Variants in LRRC37A2 observed in about 807,000 individuals in gnomAD.
LRRC37A2 encodes leucine-rich repeat-containing protein 37A2.
Under a neutral mutation model 68.8 loss-of-function variants are expected in LRRC37A2, and 9 were observed. The ratio of observed to expected loss-of-function variants is 0.13; its 90% CI spans 0.08 to 0.23. The LOEUF is 0.23. Ranked by LOEUF, LRRC37A2 falls within the 10% of genes least tolerant of loss-of-function variation. The pLI, the probability that LRRC37A2 is intolerant of heterozygous loss-of-function variation, is 1.00. For synonymous variants in LRRC37A2, 63 were observed against 367.6 expected (o/e 0.17, Z 9.48); for missense variants, 168 against 950.4 (o/e 0.18, Z 10.82).
chr17:47,040,532 T>A, the LRRC37A2 span, among the ~76,000 whole-genome samples: 1 of 144,376 alleles, frequency 6.9e-6, no homozygotes. Context: ...TTTCTGAACT[T>A]CTTCTGTAAA....
chr17:46,931,299 C>T, the LRRC37A2 span: 5 of 758,808 alleles, frequency 6.6e-6, no homozygotes, highest in African/African-American at 8.5e-5. Flanking sequence ...TTCTGAAAAC[C>T]AACGTACATG....
At chr17:46,961,193 G>T in the LRRC37A2 span, among the ~76,000 whole-genome samples, 1 of 152,008 alleles carries the variant, frequency 6.6e-6, no homozygotes, top group Non-Finnish European at 1.5e-5. Context: ...AAAAATGGAA[G>T]GGTAACCACT....
the LRRC37A2 span, among the ~76,000 whole-genome samples, chr17:47,003,221 T>C: frequency 8.3e-6 from 1 of 120,674 alleles, no homozygotes; most frequent in South Asian, 2.7e-4. Flanking sequence ...GCCACTGCAC[T>C]CCAGCCTGGA....
the LRRC37A2 span, among the ~76,000 whole-genome samples, chr17:46,750,955 C>T: frequency 2.6e-5 from 4 of 152,062 alleles, no homozygotes; most frequent in South Asian, 8.3e-4. Flanking sequence ...GAACGTTCTT[C>T]ATTTAACTTT....
chr17:46,635,799 G>GTGTGTGTGTT, the LRRC37A2 span, among the ~76,000 whole-genome samples: 1 of 140,422 alleles, frequency 7.1e-6, no homozygotes, highest in African/African-American at 2.7e-5. Context: ...GTGTGTGTGT[G>GTGTGTGTGTT]TGTGTGTGTG....
the LRRC37A2 span, among the ~76,000 whole-genome samples, chr17:46,748,843 G>A: frequency 3.9e-5 from 6 of 152,200 alleles, no homozygotes; most frequent in Non-Finnish European, 7.3e-5. Flanking sequence ...ATTAACTCCA[G>A]TAAAACAAAA....
the LRRC37A2 span, chr17:46,942,062 C>A: frequency 1.9e-6 from 1 of 514,432 alleles, no homozygotes; most frequent in Non-Finnish European, 2.5e-6. Flanking sequence ...GAGGAAATAA[C>A]TGAAACAGAT....
chr17:46,876,473 A>C, the LRRC37A2 span: 1 of 1,613,562 alleles, frequency 6.2e-7, no homozygotes, highest in Non-Finnish European at 8.5e-7. Context: ...CCTGGCCCCA[A>C]GGTCTGGGGA....
the LRRC37A2 span, chr17:46,818,717 A>G: frequency 1.0e-6 from 1 of 1,001,794 alleles, no homozygotes; most frequent in African/African-American, 1.6e-5. Flanking sequence ...TCAGAAGCGC[A>G]CCTCCACCCG....
chr17:46,541,745 T>C (rs2055362240), intron 8 of LRRC37A2, among the ~76,000 whole-genome samples: 1 of 150,840 alleles, frequency 6.6e-6, no homozygotes, highest in Non-Finnish European at 1.5e-5. Flanking sequence ...AAATACAGTA[T>C]AATTATGTAC....
the LRRC37A2 span, among the ~76,000 whole-genome samples, chr17:46,714,484 TTCC>T: frequency 1.3e-5 from 2 of 152,176 alleles, no homozygotes; most frequent in Admixed American, 6.5e-5. Flanking sequence ...CTCATACATC[TTCC>T]TTTCTCCAAG....
the LRRC37A2 span, among the ~76,000 whole-genome samples, chr17:46,494,073 G>C: frequency 6.7e-6 from 1 of 148,164 alleles, no homozygotes; most frequent in Non-Finnish European, 1.5e-5. Flanking sequence ...TTGAACTCCT[G>C]AGCTCAAGCA....
the LRRC37A2 span, among the ~76,000 whole-genome samples, chr17:46,690,611 C>CAAA: frequency 0.016 from 1,446 of 91,412 alleles, 15 homozygotes; most frequent in Admixed American, 0.019. Context: ...GACTCCGTCT[C>CAAA]AAAAAAAAAA....
the LRRC37A2 span, among the ~76,000 whole-genome samples, chr17:46,811,321 G>A: frequency 1.3e-5 from 2 of 152,196 alleles, no homozygotes; most frequent in African/African-American, 4.8e-5. Flanking sequence ...AGCAGGTATG[G>A]AAACAGAATG....
At chr17:46,874,909 C>A in the LRRC37A2 span, 1 of 842,972 alleles carries the variant, frequency 1.2e-6, no homozygotes, top group Non-Finnish European at 2.0e-6. Context: ...AACTTGCAGT[C>A]AGAATTTAAG....
At chr17:46,851,625 G>A in the LRRC37A2 span, 1 of 1,256,030 alleles carries the variant, frequency 8.0e-7, no homozygotes, top group Non-Finnish European at 1.0e-6. This position sits in a 1 kb window ranked among gnomAD's most constrained non-coding sequence, Gnocchi z 4.3. Flanking sequence ...AGAGGGCGCA[G>A]CGCCGCCAGC....
At chr17:46,740,304 G>T in the LRRC37A2 span, among the ~76,000 whole-genome samples, 1 of 152,164 alleles carries the variant, frequency 6.6e-6, no homozygotes. Context: ...TGAGGGCAGG[G>T]TATGGTGAGA....
At chr17:47,000,077 A>AATAAAATAAAAT in the LRRC37A2 span, among the ~76,000 whole-genome samples, 33 of 5,118 alleles carry the variant, frequency 6.4e-3, 1 homozygote, top group African/African-American at 0.01. Context: ...AATAAAATAA[A>AATAAAATAAAAT]AAATAAAATA....
chr17:46,768,819 G>A, the LRRC37A2 span: 10 of 1,610,480 alleles, frequency 6.2e-6, no homozygotes, highest in Non-Finnish European at 7.6e-6. This position sits in a 1 kb window ranked among gnomAD's most constrained non-coding sequence, Gnocchi z 5.0. Context: ...AGAAGTGGCA[G>A]CTGGCCAACA....
Sources: allele counts gnomAD v4.1 joint callset (sites outside exome capture counted in the v4.1 genomes callset), GRCh38; gene constraint gnomAD v4.1.1; non-coding constraint Gnocchi (gnomAD v3.1); transcripts MANE v1.5; gene names NCBI Gene and HGNC (gene_info 2026-07-23, HGNC 2026-07-21).